VPS51: variants seen among roughly 807,000 people sequenced by gnomAD.
VPS51 encodes VPS51 subunit of GARP complex, also known as vacuolar protein sorting-associated protein 51 homolog.
A neutral mutation model predicts 65.1 loss-of-function variants in VPS51; 55 were observed. That is an observed-to-expected ratio of 0.84 (90% CI 0.68 to 1.06). VPS51 has a LOEUF of 1.06. Ranked by LOEUF, VPS51 falls within the 50% of genes least tolerant of loss-of-function variation. The probability of loss-of-function intolerance (pLI) is 0.00; values close to 1 mark genes in which losing one functional copy is unlikely to be tolerated. For synonymous variants in VPS51, 473 were observed against 489.5 expected, an observed-to-expected ratio of 0.97 and a Z score of 0.44; for missense variants, 943 against 1,101.6, an observed-to-expected ratio of 0.86 and a Z score of 2.04.
intron 9 of VPS51, 83 bp from the exon 10 acceptor site, chr11:65,111,244 C>G: frequency 1.3e-6 from 2 of 1,583,114 alleles, no homozygotes; most frequent in South Asian, 2.2e-5. Context: ...CATCGTATGT[C>G]TCCCGGGCCC....
intron 6 of VPS51, 105 bp downstream of exon 6, chr11:65,109,600 C>T: frequency 6.6e-7 from 1 of 1,521,256 alleles, no homozygotes; most frequent in Non-Finnish European, 8.8e-7. Flanking sequence ...CTGTGTGTAC[C>T]CCAGCCTCCA....
In VPS51 at chr11:65,096,227, C is replaced by T. The variant is rs910448379; in HGVS notation, c.-24C>T. 6.6e-6 allele frequency: 10 copies of T among 1,523,658 alleles called. No homozygotes were observed. Among genetic ancestry groups the T allele is most frequent in the East Asian group, 2.6e-5 (1 of 39,214 alleles). 94.4% of individuals were successfully genotyped at this position (1,523,658 alleles called of 1,614,324 possible). A position where few individuals can be genotyped will look rare whatever the true frequency, so the allele number is the denominator to read the frequency against. ...CCCGTCCCCTTCCTTTCCAGCCTCACGCCCGTGGGCTGCAGTTGGAACGAT... is the reference window on the plus strand; with the variant it reads ...CCCGTCCCCTTCCTTTCCAGCCTCATGCCCGTGGGCTGCAGTTGGAACGAT... On this transcript the variant is annotated 5_prime_UTR_variant, in exon 1 of 10. In the 5' UTR this introduces an upstream ATG that the reference lacks. Transcript: ENST00000279281.
At position 65,111,418 on chromosome 11, in the gene VPS51, A is replaced by C. The variant is rs1565319279; in HGVS notation, c.2180A>C (p.Gln727Pro). Reference sequence around the variant, plus strand: ...ACCTTTGGGCGCTTCGGGCTGCAGCAGGTGCAAGTGGACTGCCACTTTCTG... The same window carrying C: ...ACCTTTGGGCGCTTCGGGCTGCAGCCGGTGCAAGTGGACTGCCACTTTCTG... ...LRTFGRFGLQ[Q>P]VQVDCHFLQL... The change falls in exon 10 of 10, where the codon CAG becomes CCG. Residue 727 changes from glutamine (Q) to proline (P), a missense_variant. Gln to Pro is a moderately conservative substitution (Grantham distance 76). Around this residue, in one of 2 missense-constraint regions of VPS51, gnomAD observed 88 missense variants for 147.8 expected, o/e 0.60. Transcript: ENST00000279281. 6.2e-7 allele frequency: 1 copy of C among 1,613,672 alleles called. No individual in the cohort carries two copies. Among genetic ancestry groups the C allele is most frequent in the Non-Finnish European group, 8.5e-7 (1 of 1,180,034 alleles).
intron 5 of VPS51, 109 bp from the exon 6 acceptor site, chr11:65,109,171 G>A: frequency 8.1e-7 from 1 of 1,235,690 alleles, no homozygotes; most frequent in Non-Finnish European, 1.1e-6. Flanking sequence ...GTAGGATGAT[G>A]CTGTCCCTTG....
chr11:65,100,700 T>G lies in VPS51; in HGVS notation c.358+3573T>G, dbSNP rs192185596. ...TGTGCACCATCACACCCGCCTAATT[T>G]TTTTATTTTTATTTTTTGTATATTT... On this transcript the variant is annotated intron_variant, in intron 2 of 9. Coordinates refer to ENST00000279281, the MANE Select transcript of VPS51 (RefSeq NM_013265.4). Among the ~76,000 whole-genome samples the G allele has an allele frequency of 4.1e-3, 623 of 152,028 alleles. 1 individual carries two copies. The highest frequency in any genetic ancestry group is 0.013 in the African/African-American group (559 of 41,436).
At chr11:65,096,903 C>T (rs1348975319) in intron 1 of VPS51, 95 bp from the exon 2 acceptor site, 2 of 1,533,786 alleles carry the variant, frequency 1.3e-6, no homozygotes, top group Non-Finnish European at 1.8e-6. Context: ...GGGTGGGGAT[C>T]AGAGATTTCT....
In VPS51 at chr11:65,111,403, G is replaced by A. The variant is rs779459567; in HGVS notation, c.2165G>A (p.Arg722His). 2.5e-6 allele frequency: 4 copies of A among 1,613,180 alleles called. No individual in the cohort carries two copies. Among genetic ancestry groups the A allele is most frequent in the African/African-American group, 2.7e-5 (2 of 75,064 alleles). Residue 722 changes from arginine (R) to histidine (H), a missense_variant, in exon 10 of 10, where the codon CGC becomes CAC. Arg to His is a conservative substitution (Grantham distance 29). Transcript: ENST00000279281. The stretch of plus-strand genomic sequence containing the variant: ...TGTGTGCGGCTGCGCACCTTTGGGC[G>A]CTTCGGGCTGCAGCAGGTGCAAGTG... The part of the protein sequence containing the change: ...LECVRLRTFG[R>H]FGLQQVQVDC...
In VPS51 at chr11:65,111,760, T is replaced by C. The variant is rs755588657; in HGVS notation, c.*173T>C. 1 of 1,207,712 alleles carries C rather than the reference T, an allele frequency of 8.3e-7. No homozygotes were observed. The highest frequency in any genetic ancestry group is 1.1e-6 in the Non-Finnish European group (1 of 891,984). The allele number at this position is 1,207,712 out of a possible 1,614,324, so 74.8% of individuals were successfully genotyped here. A position where few individuals can be genotyped will look rare whatever the true frequency, so the allele number is the denominator to read the frequency against. ...GGGGGCGGGGTTTTGAAGCTGAGGCTTCTGAGGCGCCCGCGTCGGGTCCGC... is the reference window on the plus strand; with the variant it reads ...GGGGGCGGGGTTTTGAAGCTGAGGCCTCTGAGGCGCCCGCGTCGGGTCCGC... On this transcript the variant is annotated 3_prime_UTR_variant, in exon 10 of 10. Transcript: ENST00000279281.
At chr11:65,100,292 G>C (rs1404734299) in intron 2 of VPS51, among the ~76,000 whole-genome samples, 2 of 152,044 alleles carry the variant, frequency 1.3e-5, no homozygotes, top group African/African-American at 4.8e-5. Flanking sequence ...CTTCTCCAGA[G>C]AAAACATACA....
At position 65,110,503 on chromosome 11, in the gene VPS51, GGT is replaced by G; in HGVS notation, c.1903_1904del (p.Val635SerfsTer49). The G allele has an allele frequency of 6.2e-7, 1 of 1,613,938 alleles. No individual in the cohort carries two copies. The highest frequency in any genetic ancestry group is 1.1e-5 in the South Asian group (1 of 91,086). On this transcript the variant is annotated frameshift_variant, in exon 8 of 10. Coordinates refer to ENST00000279281, the MANE Select transcript of VPS51 (RefSeq NM_013265.4). LOFTEE classifies it high-confidence loss of function. The stretch of plus-strand genomic sequence containing the variant: ...CCAGGTGGGGCTCCTGTACGAAGAG[GGT>G]GTTCGCAAGGCCCAGAGCAGCGACT... ...DVQVGLLYEEGVRKAQSSDSS... is the reference protein window; with the variant it reads ...DVQVGLLYEEXVRKAQSSDSS...
Position 65,107,922 on chromosome 11 carries a change from G to C in VPS51, c.625G>C (p.Val209Leu). ...AVRYQGRAQAVLQQYQHLPSF... is the reference protein window; with the variant it reads ...AVRYQGRAQALLQQYQHLPSF... Reference sequence around the variant, plus strand: ...GCGCTACCAGGGCCGCGCGCAGGCCGTGCTGCAGCAGTACCAACACCTGCC... The same window carrying C: ...GCGCTACCAGGGCCGCGCGCAGGCCCTGCTGCAGCAGTACCAACACCTGCC... Residue 209 changes from valine (V) to leucine (L), a missense_variant, in exon 4 of 10, where the codon GTG (valine) becomes CTG (leucine). Coordinates refer to ENST00000279281, the MANE Select transcript of VPS51 (RefSeq NM_013265.4). The surrounding 1 kb of genome is among the most constrained non-coding windows in gnomAD (Gnocchi z 4.0). 1 of 1,559,338 alleles carries C rather than the reference G, an allele frequency of 6.4e-7. No homozygotes were observed. The highest frequency in any genetic ancestry group is 8.7e-7 in the Non-Finnish European group (1 of 1,154,082).
In VPS51 at chr11:65,111,599, G is replaced by A. The variant is rs777265808; in HGVS notation, c.*12G>A. ...GCGAGCGCGGCTAGGCGCAGCCGCT[G>A]CCATGCACCGGTCTGTCCCTGCACC... On this transcript the variant is annotated 3_prime_UTR_variant, in exon 10 of 10. Coordinates refer to ENST00000279281, the MANE Select transcript of VPS51 (RefSeq NM_013265.4). 1.3e-6 allele frequency: 2 copies of A among 1,596,268 alleles called. No individual in the cohort carries two copies. Among genetic ancestry groups the A allele is most frequent in the Non-Finnish European group, 1.7e-6 (2 of 1,176,502 alleles).
At chr11:65,103,328 T>G (rs2137184647) in intron 2 of VPS51, among the ~76,000 whole-genome samples, 1 of 152,354 alleles carries the variant, frequency 6.6e-6, no homozygotes, top group East Asian at 1.9e-4. Context: ...ATATAGATGT[T>G]TCACATCATG....
chr11:65,109,580 G>A, intron 6 of VPS51, 85 bp downstream of exon 6: 1 of 1,546,734 alleles, frequency 6.5e-7, no homozygotes, highest in Non-Finnish European at 8.7e-7. Flanking sequence ...CCAGACCCCA[G>A]ACCAGCTGCC....
rs761285445 is a variant in VPS51, at chr11:65,096,222, C to G, written c.-29C>G. 3 of 1,520,576 alleles carry G rather than the reference C, an allele frequency of 2.0e-6. No individual in the cohort carries two copies. The South Asian group carries it at 3.6e-5, about 18-fold the overall frequency. The allele number at this position is 1,520,576 out of a possible 1,614,324, so 94.2% of individuals were successfully genotyped here. A position where few individuals can be genotyped will look rare whatever the true frequency, so the allele number is the denominator to read the frequency against. Reference sequence around the variant, plus strand: ...TCCTCCCCGTCCCCTTCCTTTCCAGCCTCACGCCCGTGGGCTGCAGTTGGA... The same window carrying G: ...TCCTCCCCGTCCCCTTCCTTTCCAGGCTCACGCCCGTGGGCTGCAGTTGGA... On this transcript the variant is annotated 5_prime_UTR_variant, in exon 1 of 10. Coordinates refer to ENST00000279281, the MANE Select transcript of VPS51 (RefSeq NM_013265.4).
chr11:65,104,201 T>G (rs1947827671), intron 2 of VPS51, among the ~76,000 whole-genome samples: 1 of 152,238 alleles, frequency 6.6e-6, no homozygotes, highest in African/African-American at 2.4e-5. Flanking sequence ...AGTGCTGGGA[T>G]TACAGGCATG....
chr11:65,111,696 G>A lies in VPS51; in HGVS notation c.*109G>A, dbSNP rs1947904967. Reference sequence around the variant, plus strand: ...GTGTCAGGACCGGCCTAATAAACATGTGTGGCCTCCTCCTCTCGCTTGCTG... The same window carrying A: ...GTGTCAGGACCGGCCTAATAAACATATGTGGCCTCCTCCTCTCGCTTGCTG... On this transcript the variant is annotated 3_prime_UTR_variant, in exon 10 of 10. Transcript: ENST00000279281. 30 of 1,423,938 alleles carry A rather than the reference G, an allele frequency of 2.1e-5. No individual in the cohort carries two copies. Among genetic ancestry groups the A allele is most frequent in the Middle Eastern group, 2.5e-4 (1 of 3,940 alleles). The allele number at this position is 1,423,938 out of a possible 1,614,324, so 88.2% of individuals were successfully genotyped here.
chr11:65,104,584 C>G (rs1947829905), intron 2 of VPS51, among the ~76,000 whole-genome samples: 1 of 152,104 alleles, frequency 6.6e-6, no homozygotes, highest in Non-Finnish European at 1.5e-5. Flanking sequence ...AACAAAAACC[C>G]TTTTGTGTTT....
At position 65,110,509 on chromosome 11, in the gene VPS51, C is replaced by G. The variant is rs773252794; in HGVS notation, c.1906C>G (p.Arg636Gly). The G allele has an allele frequency of 1.2e-6, 2 of 1,613,782 alleles. No homozygotes were observed. Among genetic ancestry groups the G allele is most frequent in the East Asian group, 2.2e-5 (1 of 44,892 alleles). ...GGGGCTCCTGTACGAAGAGGGTGTTCGCAAGGCCCAGAGCAGCGACTCCAG... is the reference window on the plus strand; with the variant it reads ...GGGGCTCCTGTACGAAGAGGGTGTTGGCAAGGCCCAGAGCAGCGACTCCAG... ...QVGLLYEEGV[R>G]KAQSSDSSKR... is the part of the protein sequence containing the mutation. The change falls in exon 8 of 10, where the codon CGC becomes GGC. Residue 636 changes from arginine to glycine, a missense_variant. By Grantham distance (125) the Arg-to-Gly change is moderately radical. Transcript: ENST00000279281.
Sources: gnomAD v4.1 joint callset for allele counts (sites outside exome capture counted in the v4.1 genomes callset) on GRCh38, gnomAD v4.1.1 for gene constraint, gnomAD v4.1.1 regional missense constraint, Gnocchi (gnomAD v3.1) non-coding constraint, MANE v1.5 for transcripts, NCBI Gene and HGNC (gene_info 2026-07-23, HGNC 2026-07-21) for gene names.